PTPN4: variants seen among roughly 807,000 people sequenced by gnomAD.
PTPN4 encodes the protein protein tyrosine phosphatase non-receptor type 4.
In PTPN4, 49 loss-of-function variants were observed where a neutral mutation model predicts 135.5. The ratio of observed to expected loss-of-function variants is 0.36; its 90% CI spans 0.29 to 0.46. The LOEUF (loss-of-function observed/expected upper bound fraction) is 0.46, where lower values mean the gene tolerates loss of function less well. Among genes scored for constraint, PTPN4 ranks in the 20% least tolerant of loss-of-function variants. PTPN4 has a pLI of 1.00. For missense variants in PTPN4, 860 were observed against 1,101.0 expected (o/e 0.78, Z 3.10); for synonymous variants, 333 against 369.9 (o/e 0.90, Z 1.14).
chr2:119,817,022 C>T (rs138666147), intron 2 of PTPN4, among the ~76,000 whole-genome samples: 29 of 152,300 alleles, frequency 1.9e-4, no homozygotes, highest in African/African-American at 5.8e-4. Flanking sequence ...TGAGACCTAT[C>T]TCAGAAGTTG....
chr2:119,907,217 C>T (rs1678502791), intron 10 of PTPN4, among the ~76,000 whole-genome samples: 1 of 152,048 alleles, frequency 6.6e-6, no homozygotes, highest in Non-Finnish European at 1.5e-5. Context: ...TGAAAATGAC[C>T]ACACTACCCA....
At chr2:119,784,515 T>C (rs1691007931) in intron 1 of PTPN4, among the ~76,000 whole-genome samples, 1 of 150,900 alleles carries the variant, frequency 6.6e-6, no homozygotes, top group African/African-American at 2.4e-5. Context: ...GCCTCCCGAG[T>C]AGCTGGGACT....
chr2:119,923,797 A>C (rs1678772115), intron 12 of PTPN4, among the ~76,000 whole-genome samples: 1 of 152,174 alleles, frequency 6.6e-6, no homozygotes, highest in African/African-American at 2.4e-5. Context: ...TGCAGAATAA[A>C]ATTTAAATGG....
At chr2:119,776,061 C>T (rs1395760455) in intron 1 of PTPN4, among the ~76,000 whole-genome samples, 1 of 152,148 alleles carries the variant, frequency 6.6e-6, no homozygotes, top group Non-Finnish European at 1.5e-5. Context: ...AGAAGGGTTC[C>T]ACTTATTCAA....
intron 19 of PTPN4, among the ~76,000 whole-genome samples, chr2:119,953,534 G>T (rs1247505221): frequency 6.6e-6 from 1 of 152,064 alleles, no homozygotes; most frequent in Non-Finnish European, 1.5e-5. Flanking sequence ...ATTTAGACTT[G>T]ATACTTAGGT....
intron 26 of PTPN4, among the ~76,000 whole-genome samples, chr2:119,975,674 A>C (rs1679604729): frequency 6.6e-6 from 1 of 152,140 alleles, no homozygotes; most frequent in Non-Finnish European, 1.5e-5. Flanking sequence ...GCAGTAAGTC[A>C]AGATTGCGCC....
chr2:119,900,730 A>G lies in PTPN4; in HGVS notation c.688A>G (p.Asn230Asp). The G allele has an allele frequency of 6.3e-7, 1 of 1,575,052 alleles. No individual in the cohort carries two copies. Among genetic ancestry groups the G allele is most frequent in the Admixed American group, 1.8e-5 (1 of 54,852 alleles). The change falls in exon 10 of 27, where the codon AAT becomes GAT. Residue 230 changes from asparagine to aspartate, a missense_variant. Around this residue, in one of 2 missense-constraint regions of PTPN4, gnomAD observed 684 missense variants for 807.0 expected, o/e 0.85. Coordinates refer to ENST00000263708, the MANE Select transcript of PTPN4 (RefSeq NM_002830.4). ...EFHYARDQSN[N>D]EIMIGVMSGG... ...ATTTTTTTTGAAGGATCAGAGTAACAATGAAATTATGATTGGAGTGATGTC... is the reference window on the plus strand; with the variant it reads ...ATTTTTTTTGAAGGATCAGAGTAACGATGAAATTATGATTGGAGTGATGTC...
At chr2:119,966,355 C>T (rs1679445680) in intron 25 of PTPN4, among the ~76,000 whole-genome samples, 1 of 152,118 alleles carries the variant, frequency 6.6e-6, no homozygotes, top group Non-Finnish European at 1.5e-5. Context: ...GCCTCCCAGG[C>T]TCAAGTGATC....
intron 10 of PTPN4, among the ~76,000 whole-genome samples, chr2:119,912,221 A>G (rs1678581895): frequency 6.6e-6 from 1 of 152,180 alleles, no homozygotes; most frequent in African/African-American, 2.4e-5. Context: ...AATTCTAGAA[A>G]ATTCTATCTG....
At chr2:119,793,514 G>T (rs955990869) in intron 1 of PTPN4, among the ~76,000 whole-genome samples, 5 of 152,146 alleles carry the variant, frequency 3.3e-5, no homozygotes, top group Non-Finnish European at 5.9e-5. Flanking sequence ...TACATCCTCA[G>T]CTTACAAAGA....
intron 1 of PTPN4, among the ~76,000 whole-genome samples, chr2:119,763,098 A>T (rs1574319572): frequency 6.6e-6 from 1 of 152,174 alleles, no homozygotes; most frequent in Non-Finnish European, 1.5e-5. Flanking sequence ...ACCATTGTCT[A>T]GGAACAGCAT....
At chr2:119,906,882 CTT>C (rs1334667178) in intron 10 of PTPN4, among the ~76,000 whole-genome samples, 2 of 152,160 alleles carry the variant, frequency 1.3e-5, no homozygotes, top group African/African-American at 2.4e-5. Flanking sequence ...AATTGTTCCT[CTT>C]TGCAGAAAAC....
In PTPN4 at chr2:119,949,453, C is replaced by T. The variant is rs546309764; in HGVS notation, c.1657-2520C>T. 2.7e-3 allele frequency among the ~76,000 whole-genome samples: 414 copies of T among 152,072 alleles called. 1 individual carries two copies. Among genetic ancestry groups the T allele is most frequent in the Non-Finnish European group, 3.9e-3 (268 of 67,998 alleles). The stretch of plus-strand genomic sequence containing the variant: ...TGTCATTTTTTATATTGGACATCTT[C>T]TGAAATGGATAAAACAACTCCCAAT... On this transcript the variant is annotated intron_variant, in intron 18 of 26. Coordinates refer to ENST00000263708, the MANE Select transcript of PTPN4 (RefSeq NM_002830.4).
At chr2:119,969,409 G>A (rs556510404) in intron 26 of PTPN4, among the ~76,000 whole-genome samples, 1 of 152,098 alleles carries the variant, frequency 6.6e-6, no homozygotes, top group South Asian at 2.1e-4. Context: ...CATCTGGATA[G>A]CTGTTCACTT....
intron 2 of PTPN4, among the ~76,000 whole-genome samples, chr2:119,838,438 A>G (rs1391853165): frequency 1.3e-5 from 2 of 152,164 alleles, no homozygotes; most frequent in Admixed American, 1.3e-4. Flanking sequence ...TGGCTTGGAA[A>G]CATACTACCT....
chr2:119,868,702 C>G (rs1190589516), intron 3 of PTPN4, among the ~76,000 whole-genome samples: 1 of 152,266 alleles, frequency 6.6e-6, no homozygotes, highest in East Asian at 1.9e-4. Flanking sequence ...CTGCAGTTAA[C>G]TAACCCAACC....
At position 119,951,961 on chromosome 2, in the gene PTPN4, A is replaced by G. The variant is rs531423255; in HGVS notation, c.1657-12A>G. Reference sequence around the variant, plus strand: ...CATGCCAATCTGAAACCTTATCTATATTATATTACAGGCTGACCTCTGTGT... The same window carrying G: ...CATGCCAATCTGAAACCTTATCTATGTTATATTACAGGCTGACCTCTGTGT... On this transcript the variant is annotated splice_polypyrimidine_tract_variant and intron_variant, in intron 18 of 26. Transcript: ENST00000263708. The G allele has an allele frequency of 1.7e-4, 270 of 1,590,734 alleles. 8 individuals carry two copies. In the South Asian group the frequency reaches 3.0e-3, roughly 18 times the overall value.
intron 2 of PTPN4, among the ~76,000 whole-genome samples, chr2:119,813,078 T>A (rs1311692337): frequency 6.6e-6 from 1 of 152,110 alleles, no homozygotes; most frequent in Non-Finnish European, 1.5e-5. Context: ...TTAATTTTGC[T>A]CCATTATGTA....
At chr2:119,900,274 T>C (rs759995728) in intron 9 of PTPN4, among the ~76,000 whole-genome samples, 4 of 152,160 alleles carry the variant, frequency 2.6e-5, no homozygotes, top group Admixed American at 6.5e-5. Flanking sequence ...GTTGTAAATA[T>C]TGCTTTATTG....
Sources: gnomAD v4.1 joint callset for allele counts (sites outside exome capture counted in the v4.1 genomes callset) on GRCh38, gnomAD v4.1.1 for gene constraint, gnomAD v4.1.1 regional missense constraint, MANE v1.5 for transcripts, NCBI Gene and HGNC (gene_info 2026-07-23, HGNC 2026-07-21) for gene names.